The following NAV2 variants were observed in gnomAD, a reference collection of about 807,000 sequenced individuals.
NAV2 encodes the protein helicase, APC down-regulated 1.
A neutral mutation model predicts 223.2 loss-of-function variants in NAV2; 54 were observed. That is an observed-to-expected ratio of 0.24 (90% confidence interval 0.19 to 0.30). The LOEUF is 0.30. NAV2 is among the 10% of genes least tolerant of loss of function. The pLI is 1.00. For synonymous variants in NAV2, 1,279 were observed against 1,239.3 expected, an observed-to-expected ratio of 1.03 and a Z score of -0.67; for missense variants, 2,806 against 3,147.5, an observed-to-expected ratio of 0.89 and a Z score of 2.60.
At chr11:19,620,972 G>T (rs371456777) in intron 1 of NAV2, among the ~76,000 whole-genome samples, 2 of 152,074 alleles carry the variant, frequency 1.3e-5, no homozygotes, top group Non-Finnish European at 2.9e-5. Flanking sequence ...TAGCATGAAG[G>T]GTTGTTGAAT....
At chr11:19,893,468 A>C (rs1055257468) in intron 6 of NAV2, among the ~76,000 whole-genome samples, 8 of 152,082 alleles carry the variant, frequency 5.3e-5, no homozygotes, top group African/African-American at 1.9e-4. Context: ...ACGTCCAGGA[A>C]AGCTGCCCCC....
At chr11:19,789,825 C>G (rs551671524) in intron 1 of NAV2, among the ~76,000 whole-genome samples, 3 of 152,260 alleles carry the variant, frequency 2.0e-5, no homozygotes, top group African/African-American at 7.2e-5. Flanking sequence ...GGACCAGACT[C>G]GGCTGTAAGA....
intron 1 of NAV2, among the ~76,000 whole-genome samples, chr11:19,688,024 T>C (rs909626819): frequency 9.2e-5 from 14 of 152,180 alleles, no homozygotes; most frequent in Non-Finnish European, 1.5e-5. Context: ...TCATGCCTGC[T>C]AGGGGATCTG....
intron 1 of NAV2, among the ~76,000 whole-genome samples, chr11:19,694,147 C>G (rs2049261360): frequency 6.6e-6 from 1 of 152,132 alleles, no homozygotes; most frequent in Admixed American, 6.5e-5. Flanking sequence ...TGAAGAAGGG[C>G]TCCCAGGACA....
chr11:19,902,526 A>C (rs1453990443), intron 6 of NAV2, among the ~76,000 whole-genome samples: 2 of 152,232 alleles, frequency 1.3e-5, no homozygotes, highest in Non-Finnish European at 2.9e-5. Context: ...TATCATTTGG[A>C]AAGATGAAAG....
intron 1 of NAV2, among the ~76,000 whole-genome samples, chr11:19,621,576 G>A (rs1326078597): frequency 1.3e-5 from 2 of 152,150 alleles, no homozygotes; most frequent in Admixed American, 6.5e-5. Flanking sequence ...ATGGTATTTT[G>A]TATTTCTGTG....
chr11:19,719,194 C>T (rs187898165), intron 1 of NAV2, among the ~76,000 whole-genome samples: 1 of 152,326 alleles, frequency 6.6e-6, no homozygotes, highest in Admixed American at 6.5e-5. Flanking sequence ...TCAGAATCCG[C>T]CTCAGCAGCA....
intron 1 of NAV2, among the ~76,000 whole-genome samples, chr11:19,522,794 G>T (rs141541004): frequency 6.6e-6 from 1 of 152,312 alleles, no homozygotes; most frequent in Admixed American, 6.5e-5. Flanking sequence ...GTTATTTCAC[G>T]TCTGTTCTTA....
Position 19,713,904 on chromosome 11 carries a change from C to CG in NAV2, c.214dup (p.Glu72GlyfsTer60), listed in dbSNP as rs1565192684. Reference sequence around the variant, plus strand: ...GTGCTGCAGGGGCTGCAGGAGCCAGCGGGGGAGGGGCTCCCGCTGCGGAAG... The same window carrying CG: ...GTGCTGCAGGGGCTGCAGGAGCCAGCGGGGGGAGGGGCTCCCGCTGCGGAAG... On this transcript the variant is annotated frameshift_variant, in exon 1 of 38. Transcript: ENST00000349880. LOFTEE classifies it high-confidence loss of function. The surrounding 1 kb of genome is among the most constrained non-coding windows in gnomAD (Gnocchi z 7.2). 6.2e-7 allele frequency: 1 copy of CG among 1,613,506 alleles called. No individual in the cohort carries two copies. The highest frequency in any genetic ancestry group is 8.5e-7 in the Non-Finnish European group (1 of 1,179,954).
intron 1 of NAV2, among the ~76,000 whole-genome samples, chr11:19,664,449 G>T (rs1158122522): frequency 6.6e-6 from 1 of 152,158 alleles, no homozygotes; most frequent in Non-Finnish European, 1.5e-5. Flanking sequence ...TCCCAGCCTG[G>T]TTATGACTGG....
intron 1 of NAV2, among the ~76,000 whole-genome samples, chr11:19,534,583 AAGG>A (rs1337761247): frequency 6.6e-6 from 1 of 152,232 alleles, no homozygotes; most frequent in Non-Finnish European, 1.5e-5. Context: ...AGTTTGAGGA[AAGG>A]AGGATCACAC....
intron 29 of NAV2, among the ~76,000 whole-genome samples, chr11:20,094,841 A>T (rs2061133732): frequency 6.6e-6 from 1 of 151,462 alleles, no homozygotes; most frequent in South Asian, 2.1e-4. Flanking sequence ...GCCATATGAC[A>T]CCTCCCCCAC....
intron 1 of NAV2, among the ~76,000 whole-genome samples, chr11:19,494,903 G>T (rs556662686): frequency 1.4e-4 from 21 of 152,360 alleles, no homozygotes; most frequent in African/African-American, 5.0e-4. Flanking sequence ...TTGTGGTGCT[G>T]CAGGCTTCTG....
chr11:19,949,159 G>T, intron 10 of NAV2, 79 bp downstream of exon 10: 1 of 1,457,502 alleles, frequency 6.9e-7, no homozygotes, highest in Non-Finnish European at 9.1e-7. Flanking sequence ...GGCTCTATTT[G>T]ATTCTTCTGG....
intron 1 of NAV2, among the ~76,000 whole-genome samples, chr11:19,454,003 G>A (rs1417829068): frequency 6.6e-6 from 1 of 152,102 alleles, no homozygotes; most frequent in African/African-American, 2.4e-5. Context: ...GACACCATCC[G>A]CTGCCACCGC....
At chr11:20,068,073 C>T in intron 20 of NAV2, 113 bp from the exon 21 acceptor site, 1 of 983,638 alleles carries the variant, frequency 1.0e-6, no homozygotes, top group Admixed American at 2.0e-5. Flanking sequence ...AGAAAAGAAA[C>T]TAATAATTCT....
Position 19,741,675 on chromosome 11 carries a change from ATG to A in NAV2, c.267+27725_267+27726del, listed in dbSNP as rs764735471. 8.1e-3 allele frequency among the ~76,000 whole-genome samples: 644 copies of A among 79,478 alleles called. 21 individuals are homozygous for A. Among genetic ancestry groups the A allele is most frequent in the African/African-American group, 0.029 (599 of 20,964 alleles). 52.1% of individuals were successfully genotyped at this position (79,478 alleles called of 152,430 possible). On this transcript the variant is annotated intron_variant, in intron 1 of 37. Coordinates refer to ENST00000349880, the MANE Select transcript of NAV2 (RefSeq NM_145117.5). Reference sequence around the variant, plus strand: ...ATATTTCATTGTGTATGTATGTATCATGTGTGTGTGTGTATATATATATATAT... The same window carrying A: ...ATATTTCATTGTGTATGTATGTATCATGTGTGTGTGTATATATATATATAT...
chr11:19,687,773 GTGTATGCA>G (rs2049063479), intron 1 of NAV2, among the ~76,000 whole-genome samples: 1 of 46,268 alleles, frequency 2.2e-5, no homozygotes, highest in Admixed American at 4.1e-4. Flanking sequence ...ATGTGCATGT[GTGTATGCA>G]TGCGTGTGTG....
chr11:19,558,019 T>A (rs2044960870), intron 1 of NAV2, among the ~76,000 whole-genome samples: 1 of 152,204 alleles, frequency 6.6e-6, no homozygotes. Context: ...ACTGCTCTTT[T>A]TATGAAGGGG....
Sources: gnomAD v4.1 joint callset for allele counts (sites outside exome capture counted in the v4.1 genomes callset) on GRCh38, gnomAD v4.1.1 for gene constraint, Gnocchi (gnomAD v3.1) non-coding constraint, MANE v1.5 for transcripts, NCBI Gene and HGNC (gene_info 2026-07-23, HGNC 2026-07-21) for gene names.